POU2F3: variants seen among roughly 807,000 people sequenced by gnomAD.
POU2F3 encodes POU class 2 homeobox 3.
POU2F3 carries 23 observed loss-of-function variants against 59.2 expected under a neutral mutation model. The ratio of observed to expected loss-of-function variants is 0.39; its 90% CI spans 0.28 to 0.55. The LOEUF is 0.55. POU2F3 is among the 20% of genes least tolerant of loss of function. The pLI, the probability that POU2F3 is intolerant of heterozygous loss-of-function variation, is 0.66. For synonymous variants in POU2F3, 190 were observed against 214.6 expected (o/e 0.89, Z 1.00); for missense variants, 473 against 544.5 (o/e 0.87, Z 1.31).
At position 120,285,993 on chromosome 11, in the gene POU2F3, G is replaced by A. The variant is rs533454524; in HGVS notation, c.133-12272G>A. Among the ~76,000 whole-genome samples the A allele has an allele frequency of 1.2e-3, 184 of 151,980 alleles. 1 individual carries two copies. The highest frequency in any genetic ancestry group is 7.7e-3 in the South Asian group (37 of 4,812). On this transcript the variant is annotated intron_variant, in intron 3 of 12. Transcript: ENST00000543440. This position sits in a 1 kb window ranked among gnomAD's most constrained non-coding sequence, Gnocchi z 4.3. ...CGCCCCCAGGGTTCAAACAATTCTC[G>A]TGTCTCAGCCTCCCCAGTAGCTGGG...
intron 2 of POU2F3, among the ~76,000 whole-genome samples, chr11:120,246,850 A>G (rs1938898964): frequency 6.6e-6 from 1 of 152,206 alleles, no homozygotes; most frequent in African/African-American, 2.4e-5. Context: ...TTAGATGGGG[A>G]CAAGGCCTTT....
Position 120,288,128 on chromosome 11 carries a change from C to CAAAAAAAAAAAAAAAAAAAAAAAA in POU2F3, c.133-10117_133-10116insAAAAAAAAAAAAAAAAAAAAAAAA. 1.7e-4 allele frequency among the ~76,000 whole-genome samples: 11 copies of CAAAAAAAAAAAAAAAAAAAAAAAA among 63,330 alleles called. 2 individuals carry two copies. The highest frequency in any genetic ancestry group is 6.4e-4 in the East Asian group (1 of 1,552). 41.5% of individuals were successfully genotyped at this position (63,330 alleles called of 152,430 possible). On this transcript the variant is annotated intron_variant, in intron 3 of 12. Transcript: ENST00000543440. ...AAAGAAAGAAAACAAACAAAAAAAC[C>CAAAAAAAAAAAAAAAAAAAAAAAA]AAAAAAAAAAAAAAAAAAAACAAGA...
At chr11:120,297,125 C>T (rs1941213279) in intron 3 of POU2F3, among the ~76,000 whole-genome samples, 1 of 152,144 alleles carries the variant, frequency 6.6e-6, no homozygotes, top group Admixed American at 6.5e-5. Context: ...GGAGGGTCTC[C>T]CCAATATCTC....
intron 2 of POU2F3, among the ~76,000 whole-genome samples, chr11:120,251,734 T>C (rs529873927): frequency 6.6e-6 from 1 of 152,172 alleles, no homozygotes; most frequent in South Asian, 2.1e-4. Context: ...CTTAGAGACT[T>C]ATTTTTTGTC....
intron 2 of POU2F3, among the ~76,000 whole-genome samples, chr11:120,267,215 G>A (rs1317648127): frequency 6.6e-6 from 1 of 150,566 alleles, no homozygotes; most frequent in Non-Finnish European, 1.5e-5. Context: ...TGCAACCTCC[G>A]CCTCCCGGGT....
intron 10 of POU2F3, among the ~76,000 whole-genome samples, chr11:120,310,403 A>G (rs1381500906): frequency 6.6e-6 from 1 of 152,202 alleles, no homozygotes; most frequent in African/African-American, 2.4e-5. Context: ...AAAAAAACTA[A>G]GAATTTGGGG....
At chr11:120,296,172 T>C (rs1235248239) in intron 3 of POU2F3, among the ~76,000 whole-genome samples, 1 of 152,208 alleles carries the variant, frequency 6.6e-6, no homozygotes, top group Non-Finnish European at 1.5e-5. Context: ...GAGTCGGAGT[T>C]AGGGCTAGAA....
At chr11:120,297,311 C>T (rs544842623) in intron 3 of POU2F3, among the ~76,000 whole-genome samples, 22 of 152,304 alleles carry the variant, frequency 1.4e-4, no homozygotes, top group East Asian at 3.9e-4. Flanking sequence ...GGGAAGCCCA[C>T]GCATGGGTGG....
At chr11:120,254,530 A>G (rs920230082) in intron 2 of POU2F3, among the ~76,000 whole-genome samples, 2 of 152,146 alleles carry the variant, frequency 1.3e-5, no homozygotes, top group East Asian at 1.9e-4. Flanking sequence ...GCCCAGGATG[A>G]CCCACTCCTA....
rs1941758615 is a variant in POU2F3 at position 120,315,399 on chromosome 11, T to A, written c.1107T>A (p.Pro369=). ...PSGSLGPLSV[P]PVHSTMPGTV... is the part of the protein sequence containing the mutation. Reference sequence around the variant, plus strand: ...GGTCTCTGGGCCCCCTCTCTGTCCCTCCTGTCCACAGTACCATGCCTGGAA... The same window carrying A: ...GGTCTCTGGGCCCCCTCTCTGTCCCACCTGTCCACAGTACCATGCCTGGAA... The change falls in exon 11 of 13, where the codon CCT becomes CCA. Residue 369 remains proline (P), a synonymous_variant. Transcript: ENST00000543440. The A allele has an allele frequency of 6.2e-7, 1 of 1,613,588 alleles. No homozygotes were observed. Among genetic ancestry groups the A allele is most frequent in the South Asian group, 1.1e-5 (1 of 91,072 alleles).
intron 3 of POU2F3, among the ~76,000 whole-genome samples, chr11:120,292,341 G>C (rs1201238404): frequency 6.6e-6 from 1 of 150,390 alleles, no homozygotes; most frequent in Non-Finnish European, 1.5e-5. Flanking sequence ...AGCAGCCCAG[G>C]GATATGTTAA....
intron 2 of POU2F3, among the ~76,000 whole-genome samples, chr11:120,259,687 A>G (rs1939510330): frequency 2.0e-5 from 3 of 152,200 alleles, no homozygotes; most frequent in African/African-American, 4.8e-5. Flanking sequence ...GGAGACAGCA[A>G]CTTTTTGTTT....
At chr11:120,246,642 G>T in intron 2 of POU2F3, 125 bp downstream of exon 2, 1 of 898,554 alleles carries the variant, frequency 1.1e-6, no homozygotes, top group East Asian at 2.6e-5. Context: ...CTAGGTCTTA[G>T]GAACTAAGGG....
chr11:120,271,392 C>T (rs1020982161), intron 3 of POU2F3, among the ~76,000 whole-genome samples: 1 of 152,214 alleles, frequency 6.6e-6, no homozygotes, highest in Non-Finnish European at 1.5e-5. Flanking sequence ...GGAGGAGATG[C>T]CCAAGGATTC....
intron 2 of POU2F3, among the ~76,000 whole-genome samples, chr11:120,247,508 G>A (rs1938923559): frequency 6.6e-6 from 1 of 152,154 alleles, no homozygotes; most frequent in Non-Finnish European, 1.5e-5. Context: ...GTGTTTCCTT[G>A]CACAGGTAGC....
chr11:120,275,155 G>A (rs1940267855), intron 3 of POU2F3, among the ~76,000 whole-genome samples: 2 of 152,200 alleles, frequency 1.3e-5, no homozygotes, highest in Non-Finnish European at 2.9e-5. Context: ...AAGAGATGGA[G>A]GTGTTTGGCT....
intron 3 of POU2F3, among the ~76,000 whole-genome samples, chr11:120,277,075 CAAAAATACAAAAAAATATT>C (rs1420159174): frequency 6.6e-6 from 1 of 151,774 alleles, no homozygotes; most frequent in Non-Finnish European, 1.5e-5. Context: ...ACTAAAAATA[CAAAAATACAAAAAAATATT>C]AAAAATACAA....
At position 120,240,338 on chromosome 11, in the gene POU2F3, G is replaced by A; in HGVS notation, c.-6G>A. Reference sequence around the variant, plus strand: ...GGGCGCTGGCTTTGGCCCCGCCTGGGGCAGGATGGTGAATCTGGAGTCCAT... The same window carrying A: ...GGGCGCTGGCTTTGGCCCCGCCTGGAGCAGGATGGTGAATCTGGAGTCCAT... On this transcript the variant is annotated 5_prime_UTR_variant, in exon 1 of 13. Coordinates refer to ENST00000543440, the MANE Select transcript of POU2F3 (RefSeq NM_014352.4). 7.1e-7 allele frequency: 1 copy of A among 1,410,206 alleles called. No individual in the cohort carries two copies. The highest frequency in any genetic ancestry group is 2.3e-5 in the Admixed American group (1 of 43,064). The allele number at this position is 1,410,206 out of a possible 1,614,324, so 87.4% of individuals were successfully genotyped here.
At chr11:120,270,719 C>T (rs1380693375) in intron 3 of POU2F3, among the ~76,000 whole-genome samples, 3 of 152,124 alleles carry the variant, frequency 2.0e-5, no homozygotes, top group Admixed American at 1.3e-4. Flanking sequence ...TTAAGACAGG[C>T]TATCACTCTG....
Sources: allele counts gnomAD v4.1 joint callset (sites outside exome capture counted in the v4.1 genomes callset), GRCh38; gene constraint gnomAD v4.1.1; non-coding constraint Gnocchi (gnomAD v3.1); transcripts MANE v1.5; gene names NCBI Gene and HGNC (gene_info 2026-07-23, HGNC 2026-07-21).